Variants in HYCC2 observed in about 807,000 individuals in gnomAD.
HYCC2 encodes hyccin PI4KA lipid kinase complex subunit 2, also known as hyccin 2.
chr2:201,032,162 A>G, the HYCC2 span, among the ~76,000 whole-genome samples: 2 of 152,012 alleles, frequency 1.3e-5, no homozygotes, highest in African/African-American at 2.4e-5. Flanking sequence ...GGGTTTCACC[A>G]TGTTGCCCAA....
the HYCC2 span, among the ~76,000 whole-genome samples, chr2:201,036,572 G>C: frequency 6.6e-6 from 1 of 152,202 alleles, no homozygotes; most frequent in African/African-American, 2.4e-5. Context: ...TCATCCCTGG[G>C]ATGCAAGGCT....
At chr2:201,006,112 G>A in the HYCC2 span, among the ~76,000 whole-genome samples, 46 of 145,964 alleles carry the variant, frequency 3.2e-4, no homozygotes, top group African/African-American at 9.7e-4. Flanking sequence ...GATTACAGGC[G>A]TGAGCTATCG....
At chr2:200,988,602 A>C in the HYCC2 span, among the ~76,000 whole-genome samples, 3 of 152,330 alleles carry the variant, frequency 2.0e-5, no homozygotes, top group African/African-American at 7.2e-5. Flanking sequence ...CTAAAATATG[A>C]GTCACATACC....
chr2:200,979,162 T>C, the HYCC2 span: 1 of 152,148 alleles, frequency 6.6e-6, no homozygotes. Flanking sequence ...TTATTTTGGC[T>C]ATTTTTAAAC....
the HYCC2 span, among the ~76,000 whole-genome samples, chr2:201,027,284 T>C: frequency 6.6e-6 from 1 of 152,174 alleles, no homozygotes; most frequent in Non-Finnish European, 1.5e-5. Flanking sequence ...AATCTCTGAA[T>C]AGACCAATAA....
chr2:201,070,703 T>C, the HYCC2 span, among the ~76,000 whole-genome samples: 1 of 152,142 alleles, frequency 6.6e-6, no homozygotes, highest in Admixed American at 6.5e-5. Context: ...ACCACCTTAT[T>C]TGCACAGTCC....
At chr2:201,068,596 C>T in the HYCC2 span, among the ~76,000 whole-genome samples, 2 of 152,170 alleles carry the variant, frequency 1.3e-5, no homozygotes, top group Non-Finnish European at 1.5e-5. Context: ...TATGTGTATG[C>T]CTTTTTAAAA....
the HYCC2 span, among the ~76,000 whole-genome samples, chr2:201,042,956 G>A: frequency 2.0e-5 from 3 of 152,200 alleles, no homozygotes; most frequent in Admixed American, 2.0e-4. Flanking sequence ...CATTGAGAAT[G>A]GGCCATGATG....
the HYCC2 span, among the ~76,000 whole-genome samples, chr2:201,048,366 CT>C: frequency 1.3e-5 from 2 of 152,062 alleles, no homozygotes; most frequent in African/African-American, 4.8e-5. Context: ...ATAAACCCAA[CT>C]ATATTAATAA....
At chr2:201,036,906 C>T in the HYCC2 span, among the ~76,000 whole-genome samples, 2 of 152,046 alleles carry the variant, frequency 1.3e-5, no homozygotes, top group African/African-American at 4.8e-5. Context: ...GGCAATCAGG[C>T]AAGAGAAAGA....
the HYCC2 span, among the ~76,000 whole-genome samples, chr2:200,989,227 T>C: frequency 6.6e-6 from 1 of 152,202 alleles, no homozygotes; most frequent in African/African-American, 2.4e-5. Context: ...AGAATACTGT[T>C]AGTAACACTA....
chr2:201,065,495 G>C, the HYCC2 span, among the ~76,000 whole-genome samples: 3 of 152,252 alleles, frequency 2.0e-5, no homozygotes, highest in Non-Finnish European at 4.4e-5. Flanking sequence ...TATTTCTAAA[G>C]ATAAGGACAC....
At chr2:201,036,730 C>T in the HYCC2 span, among the ~76,000 whole-genome samples, 1 of 152,046 alleles carries the variant, frequency 6.6e-6, no homozygotes, top group Admixed American at 6.6e-5. Flanking sequence ...AAATTAGATA[C>T]TGATGGAACA....
the HYCC2 span, chr2:200,996,033 T>TC: frequency 6.1e-5 from 9 of 147,882 alleles, no homozygotes; most frequent in Non-Finnish European, 8.9e-5. Context: ...TTTTTCTTTT[T>TC]TTTTTTTTTT....
the HYCC2 span, among the ~76,000 whole-genome samples, chr2:201,053,599 ATG>A: frequency 6.6e-6 from 1 of 152,306 alleles, no homozygotes; most frequent in Admixed American, 6.5e-5. Context: ...TACCCAACAA[ATG>A]TGTGAGTGAA....
At chr2:201,040,330 T>C in the HYCC2 span, among the ~76,000 whole-genome samples, 1 of 152,144 alleles carries the variant, frequency 6.6e-6, no homozygotes, top group East Asian at 1.9e-4. Context: ...CAGAATTTCT[T>C]TCATTAAAAA....
At chr2:201,020,854 G>A in the HYCC2 span, among the ~76,000 whole-genome samples, 7 of 152,082 alleles carry the variant, frequency 4.6e-5, no homozygotes, top group African/African-American at 1.4e-4. Context: ...TGCAACCTCC[G>A]CCTCCCAAGT....
chr2:201,036,122 C>G, the HYCC2 span, among the ~76,000 whole-genome samples: 2 of 152,170 alleles, frequency 1.3e-5, no homozygotes, highest in African/African-American at 2.4e-5. Flanking sequence ...CACCTCTACA[C>G]AAACAAACTA....
At chr2:201,046,787 G>T in the HYCC2 span, among the ~76,000 whole-genome samples, 1 of 152,160 alleles carries the variant, frequency 6.6e-6, no homozygotes, top group African/African-American at 2.4e-5. Context: ...TCCCTGTCTG[G>T]TTGAAGGTAA....
Sources: allele counts gnomAD v4.1 joint callset (sites outside exome capture counted in the v4.1 genomes callset), GRCh38; gene constraint gnomAD v4.1.1; transcripts MANE v1.5; gene names NCBI Gene and HGNC (gene_info 2026-07-23, HGNC 2026-07-21).